Variants in CDH12 observed in about 807,000 individuals in gnomAD.
The protein encoded by CDH12 is cadherin 12.
Under a neutral mutation model 74.1 loss-of-function variants are expected in CDH12, and 41 were observed. The ratio of observed to expected loss-of-function variants is 0.55; its 90% CI spans 0.43 to 0.72. The LOEUF (loss-of-function observed/expected upper bound fraction) is 0.72, where lower values mean the gene tolerates loss of function less well. Ranked by LOEUF, CDH12 falls within the 30% of genes least tolerant of loss-of-function variation. The pLI, the probability that CDH12 is intolerant of heterozygous loss-of-function variation, is 0.00. For synonymous variants in CDH12, 399 were observed against 355.0 expected (o/e 1.12, Z -1.39); for missense variants, 945 against 977.2 (o/e 0.97, Z 0.44).
chr5:22,300,914 C>T (rs908823696), intron 3 of CDH12, among the ~76,000 whole-genome samples: 3 of 152,176 alleles, frequency 2.0e-5, no homozygotes, highest in African/African-American at 7.2e-5. Flanking sequence ...AATACGAATG[C>T]ATTCAATTAA....
rs183583601 is a variant in CDH12, at chr5:22,827,653, G to A, written c.-523+25405C>T. Among the ~76,000 whole-genome samples, 8 of 152,248 alleles carry A rather than the reference G, an allele frequency of 5.3e-5. No homozygotes were observed. The South Asian group carries it at 8.3e-4, about 16-fold the overall frequency. ...AACATCTTGCCTTTCTTAACTGTAC[G>A]TGTGCATCTCAGAATAGTATACATG... is the stretch of plus-strand genomic sequence containing the variant. On this transcript the variant is annotated intron_variant, in intron 1 of 14. Transcript: ENST00000382254.
intron 5 of CDH12, among the ~76,000 whole-genome samples, chr5:21,991,566 A>G (rs1757756775): frequency 2.0e-5 from 3 of 146,698 alleles, no homozygotes; most frequent in African/African-American, 7.5e-5. Flanking sequence ...ACATTTATAT[A>G]TATGTATATA....
chr5:21,805,831 T>G (rs1747398146), intron 9 of CDH12, among the ~76,000 whole-genome samples: 1 of 152,200 alleles, frequency 6.6e-6, no homozygotes, highest in African/African-American at 2.4e-5. Context: ...AGACATACAT[T>G]ATTGTGAGGT....
At chr5:22,568,548 G>A (rs1395320419) in intron 1 of CDH12, among the ~76,000 whole-genome samples, 1 of 152,104 alleles carries the variant, frequency 6.6e-6, no homozygotes, top group Admixed American at 6.6e-5. Flanking sequence ...CCTAAGTGAT[G>A]TAGGCAACAG....
chr5:22,078,788 T>C lies in CDH12; in HGVS notation c.-112A>G, dbSNP rs1742514510. The C allele has an allele frequency of 1.4e-6, 2 of 1,479,170 alleles. No individual in the cohort carries two copies. The highest frequency in any genetic ancestry group is 1.8e-6 in the Non-Finnish European group (2 of 1,120,938). 91.6% of individuals were successfully genotyped at this position (1,479,170 alleles called of 1,614,324 possible). On this transcript the variant is annotated 5_prime_UTR_variant, in exon 5 of 15. Coordinates refer to ENST00000382254, the MANE Select transcript of CDH12 (RefSeq NM_004061.5). ...TCCACCACTTAGCTTCTTGTTTTAT[T>C]GCAGAAATGATGATGCAGGCATTAA... is the stretch of plus-strand genomic sequence containing the variant.
intron 3 of CDH12, among the ~76,000 whole-genome samples, chr5:22,385,973 A>C (rs919093658): frequency 1.3e-5 from 2 of 149,400 alleles, no homozygotes; most frequent in Non-Finnish European, 3.0e-5. Context: ...GCTGACCACA[A>C]CCTCTGCCTC....
intron 1 of CDH12, among the ~76,000 whole-genome samples, chr5:22,547,569 C>T (rs1363164751): frequency 6.6e-6 from 1 of 151,986 alleles, no homozygotes; most frequent in Non-Finnish European, 1.5e-5. Flanking sequence ...TGGTGCATTC[C>T]AAATTTTAGA....
chr5:22,754,459 T>C (rs1745774658), intron 1 of CDH12, among the ~76,000 whole-genome samples: 1 of 151,510 alleles, frequency 6.6e-6, no homozygotes, highest in Non-Finnish European at 1.5e-5. Context: ...CAGGGTACTA[T>C]GGCATCTGCT....
intron 1 of CDH12, among the ~76,000 whole-genome samples, chr5:22,837,683 A>G (rs1317624811): frequency 6.6e-6 from 1 of 152,220 alleles, no homozygotes; most frequent in Non-Finnish European, 1.5e-5. Context: ...GTTGCTTTAT[A>G]TTATGGCTTG....
chr5:22,557,971 C>T (rs991864022), intron 1 of CDH12, among the ~76,000 whole-genome samples: 2 of 151,970 alleles, frequency 1.3e-5, no homozygotes, highest in African/African-American at 4.8e-5. Context: ...TTCAAGTTTA[C>T]AAGGCAGGGT....
intron 6 of CDH12, among the ~76,000 whole-genome samples, chr5:21,923,015 C>T (rs575462425): frequency 2.5e-4 from 38 of 151,620 alleles, no homozygotes; most frequent in East Asian, 5.8e-4. Flanking sequence ...CACGCACCCA[C>T]GTACACACTC....
intron 1 of CDH12, among the ~76,000 whole-genome samples, chr5:22,815,295 C>G (rs115033852): frequency 6.6e-6 from 1 of 152,242 alleles, no homozygotes; most frequent in African/African-American, 2.4e-5. Context: ...TTTTGATGCT[C>G]TCCTATACTC....
intron 4 of CDH12, among the ~76,000 whole-genome samples, chr5:22,121,526 C>A (rs1745511112): frequency 6.6e-6 from 1 of 152,124 alleles, no homozygotes; most frequent in African/African-American, 2.4e-5. Flanking sequence ...GTTTCTAGTA[C>A]CTTCTCTGAA....
intron 5 of CDH12, among the ~76,000 whole-genome samples, chr5:22,015,257 T>C (rs1197030458): frequency 6.6e-6 from 1 of 152,190 alleles, no homozygotes; most frequent in African/African-American, 2.4e-5. Flanking sequence ...TAAAGAAATA[T>C]CATTCAGTGA....
intron 5 of CDH12, among the ~76,000 whole-genome samples, chr5:22,017,763 C>A (rs1380916860): frequency 1.4e-5 from 2 of 140,464 alleles, no homozygotes; most frequent in Non-Finnish European, 3.1e-5. Flanking sequence ...TCCCTCCATT[C>A]TTTTTTTTTT....
At chr5:21,918,917 C>A (rs1233916711) in intron 6 of CDH12, among the ~76,000 whole-genome samples, 1 of 152,022 alleles carries the variant, frequency 6.6e-6, no homozygotes, top group South Asian at 2.1e-4. Flanking sequence ...AATGTATATT[C>A]TATATACTTT....
intron 5 of CDH12, among the ~76,000 whole-genome samples, chr5:22,063,988 TACACACACACACACACACAC>T (rs10552100): frequency 1.4e-5 from 2 of 146,764 alleles, no homozygotes; most frequent in Non-Finnish European, 3.0e-5. Context: ...ATTATGGAGA[TACACACACACACACACACAC>T]ACACACACAC....
chr5:22,058,053 T>TGTCTATCATCTATCTTTTA (rs1561065611), intron 5 of CDH12, among the ~76,000 whole-genome samples: 1 of 150,350 alleles, frequency 6.7e-6, no homozygotes, highest in African/African-American at 2.5e-5. Flanking sequence ...ATCATCTATC[T>TGTCTATCATCTATCTTTTA]TTTATTTATT....
At chr5:22,097,126 A>G (rs1743828995) in intron 4 of CDH12, among the ~76,000 whole-genome samples, 1 of 152,186 alleles carries the variant, frequency 6.6e-6, no homozygotes, top group African/African-American at 2.4e-5. Context: ...CAAGTGCCAG[A>G]AATCTGGCCA....
Sources: gnomAD v4.1 joint callset for allele counts (sites outside exome capture counted in the v4.1 genomes callset) on GRCh38, gnomAD v4.1.1 for gene constraint, MANE v1.5 for transcripts, NCBI Gene and HGNC (gene_info 2026-07-23, HGNC 2026-07-21) for gene names.